The following SLC24A2 variants were observed in gnomAD, a reference collection of about 807,000 sequenced individuals.
SLC24A2 encodes the protein solute carrier family 24 member 2.
A neutral mutation model predicts 62.0 loss-of-function variants in SLC24A2; 36 were observed. The observed-to-expected ratio is 0.58, with a 90% CI of 0.44 to 0.77. SLC24A2 has a LOEUF of 0.77. SLC24A2 is among the 30% of genes least tolerant of loss of function. The pLI, the probability that SLC24A2 is intolerant of heterozygous loss-of-function variation, is 0.00. For missense variants in SLC24A2, 846 were observed against 817.9 expected (o/e 1.03, Z -0.42); for synonymous variants, 358 against 294.0 (o/e 1.22, Z -2.23).
chr9:19,608,168 TC>T (rs1379394234), intron 4 of SLC24A2, among the ~76,000 whole-genome samples: 1 of 152,202 alleles, frequency 6.6e-6, no homozygotes, highest in Non-Finnish European at 1.5e-5. Context: ...CACGCAAACA[TC>T]TTGGTAGTAT....
At position 19,517,939 on chromosome 9, in the gene SLC24A2, A is replaced by T. The variant is rs899608535; in HGVS notation, c.1737-1537T>A. 4.7e-5 allele frequency among the ~76,000 whole-genome samples: 7 copies of T among 149,044 alleles called. No individual in the cohort carries two copies. In the South Asian group the frequency reaches 6.8e-4, roughly 14 times the overall value. On this transcript the variant is annotated intron_variant, in intron 10 of 10. Coordinates refer to ENST00000341998, the MANE Select transcript of SLC24A2 (RefSeq NM_020344.4). ...CACACACACACACACACACACACACACACACACACACACACACACTCTCAC... is the reference window on the plus strand; with the variant it reads ...CACACACACACACACACACACACACTCACACACACACACACACACTCTCAC...
the SLC24A2 span, among the ~76,000 whole-genome samples, chr9:19,813,075 C>A: frequency 6.6e-6 from 1 of 152,152 alleles, no homozygotes; most frequent in Admixed American, 6.6e-5. Context: ...GAACCAGCCA[C>A]ATGTCAGGCT....
chr9:19,747,409 T>C lies in SLC24A2; in HGVS notation c.930+38528A>G, dbSNP rs761936212. 1.2e-4 allele frequency among the ~76,000 whole-genome samples: 19 copies of C among 152,294 alleles called. No homozygotes were observed. The Middle Eastern group carries it at 0.01, about 82-fold the overall frequency. On this transcript the variant is annotated intron_variant, in intron 2 of 10. Transcript: ENST00000341998. The stretch of plus-strand genomic sequence containing the variant: ...ATTTGCTTGTTTTTGCTGTGTTACA[T>C]TATGCAAGTCCTTATACATATACTT...
rs550472095 is a variant in SLC24A2 at position 19,615,224 on chromosome 9, A to G, written c.1078+4360T>C. Among the ~76,000 whole-genome samples the G allele has an allele frequency of 1.8e-4, 28 of 152,320 alleles. 1 individual carries two copies. In the South Asian group the frequency reaches 5.8e-3, roughly 32 times the overall value. ...TGTCCTAGATGCTGCTTTCAAATGA[A>G]TTTGAATAGTTCCCTTTTGAACATA... On this transcript the variant is annotated intron_variant, in intron 4 of 10. Transcript: ENST00000341998.
intron 2 of SLC24A2, among the ~76,000 whole-genome samples, chr9:19,714,868 C>T (rs1820814862): frequency 6.6e-6 from 1 of 152,048 alleles, no homozygotes; most frequent in African/African-American, 2.4e-5. Context: ...GACATGTTTG[C>T]CCTACATATC....
intron 2 of SLC24A2, among the ~76,000 whole-genome samples, chr9:19,636,318 T>TCTTTTCTTTTCCTTTC (rs1554690366): frequency 3.1e-5 from 1 of 32,220 alleles, no homozygotes; most frequent in Non-Finnish European, 6.4e-5. Flanking sequence ...TCTTTTCTTT[T>TCTTTTCTTTTCCTTTC]CTTTCTTTCT....
chr9:19,694,438 T>C (rs1820128230), intron 2 of SLC24A2, among the ~76,000 whole-genome samples: 1 of 152,204 alleles, frequency 6.6e-6, no homozygotes, highest in African/African-American at 2.4e-5. Flanking sequence ...TATTTTTTTC[T>C]AAAATTCTAT....
intron 2 of SLC24A2, among the ~76,000 whole-genome samples, chr9:19,760,942 T>C (rs1822304382): frequency 1.3e-5 from 2 of 151,796 alleles, no homozygotes; most frequent in South Asian, 4.2e-4. Flanking sequence ...AGGGTTAGCA[T>C]TAGGAGATAC....
chr9:19,533,829 C>G (rs1833822744), intron 8 of SLC24A2, among the ~76,000 whole-genome samples: 1 of 152,174 alleles, frequency 6.6e-6, no homozygotes, highest in Non-Finnish European at 1.5e-5. Context: ...TCAAATCTAA[C>G]AAAAATCTTC....
chr9:19,696,626 A>G (rs1041251121), intron 2 of SLC24A2, among the ~76,000 whole-genome samples: 1 of 152,166 alleles, frequency 6.6e-6, no homozygotes, highest in Admixed American at 6.5e-5. Context: ...TGTATGTTTT[A>G]AGTTACATTA....
At chr9:19,962,901 T>C in the SLC24A2 span, among the ~76,000 whole-genome samples, 1 of 152,194 alleles carries the variant, frequency 6.6e-6, no homozygotes, top group Non-Finnish European at 1.5e-5. Flanking sequence ...CTATGTTGAA[T>C]AGGAGTGGTG....
At chr9:20,095,255 A>C in the SLC24A2 span, among the ~76,000 whole-genome samples, 1 of 152,240 alleles carries the variant, frequency 6.6e-6, no homozygotes, top group Non-Finnish European at 1.5e-5. Flanking sequence ...TTAATTTCTA[A>C]TATGGTAAAC....
At chr9:19,576,479 C>T (rs566686186) in intron 6 of SLC24A2, among the ~76,000 whole-genome samples, 2 of 152,206 alleles carry the variant, frequency 1.3e-5, no homozygotes, top group East Asian at 3.9e-4. Context: ...AAGTGTGTGC[C>T]ATAAGCAATA....
chr9:20,196,697 G>C, the SLC24A2 span, among the ~76,000 whole-genome samples: 1 of 152,064 alleles, frequency 6.6e-6, no homozygotes, highest in Admixed American at 6.6e-5. Flanking sequence ...CTGCCAAGGA[G>C]GCCTGCAAAG....
the SLC24A2 span, among the ~76,000 whole-genome samples, chr9:20,044,188 T>C: frequency 6.6e-6 from 1 of 152,198 alleles, no homozygotes; most frequent in Non-Finnish European, 1.5e-5. Flanking sequence ...TTATACATAA[T>C]GGTATTCCAC....
chr9:20,011,233 A>G, the SLC24A2 span, among the ~76,000 whole-genome samples: 6 of 152,158 alleles, frequency 3.9e-5, no homozygotes, highest in Non-Finnish European at 7.4e-5. Context: ...CCAACAGTGT[A>G]AAAGTGTTCC....
In SLC24A2 at chr9:19,578,568, C is replaced by T. The variant is rs145108231; in HGVS notation, c.1130-1546G>A. Among the ~76,000 whole-genome samples the T allele has an allele frequency of 3.1e-3, 457 of 145,720 alleles. 5 individuals are homozygous for T. Among genetic ancestry groups the T allele is most frequent in the Non-Finnish European group, 5.6e-3 (370 of 66,376 alleles). On this transcript the variant is annotated intron_variant, in intron 5 of 10. Coordinates refer to ENST00000341998, the MANE Select transcript of SLC24A2 (RefSeq NM_020344.4). ...TCCCACGATGTATTTTTTTTTTTTCCGGCTTGTGTTCTCTAGCAGCATATT... is the reference window on the plus strand; with the variant it reads ...TCCCACGATGTATTTTTTTTTTTTCTGGCTTGTGTTCTCTAGCAGCATATT...
the SLC24A2 span, among the ~76,000 whole-genome samples, chr9:19,971,240 T>G: frequency 6.6e-6 from 1 of 152,176 alleles, no homozygotes; most frequent in African/African-American, 2.4e-5. Flanking sequence ...AAAGAATGTC[T>G]TAGCTGACCC....
At chr9:19,654,024 C>T (rs1818873137) in intron 2 of SLC24A2, among the ~76,000 whole-genome samples, 1 of 152,216 alleles carries the variant, frequency 6.6e-6, no homozygotes, top group Non-Finnish European at 1.5e-5. Flanking sequence ...ACCACCACCG[C>T]ACTCACGATA....
Sources: gnomAD v4.1 joint callset for allele counts (sites outside exome capture counted in the v4.1 genomes callset) on GRCh38, gnomAD v4.1.1 for gene constraint, MANE v1.5 for transcripts, NCBI Gene and HGNC (gene_info 2026-07-23, HGNC 2026-07-21) for gene names.